The following SMAD5 variants were observed in gnomAD, a reference collection of about 807,000 sequenced individuals.
SMAD5 encodes the protein MAD, mothers against decapentaplegic homolog 5.
SMAD5 carries 9 observed loss-of-function variants against 43.1 expected under a neutral mutation model. The observed-to-expected ratio is 0.21, with a 90% CI of 0.13 to 0.36. The LOEUF is 0.36. Among genes scored for constraint, SMAD5 ranks in the 10% least tolerant of loss-of-function variants. SMAD5 has a pLI of 1.00. For missense variants in SMAD5, 348 were observed against 574.0 expected, an observed-to-expected ratio of 0.61 and a Z score of 4.02; for synonymous variants, 190 against 192.4, an observed-to-expected ratio of 0.99 and a Z score of 0.10.
intron 1 of SMAD5, among the ~76,000 whole-genome samples, chr5:136,139,422 T>C (rs1278271223): frequency 6.6e-6 from 1 of 152,176 alleles, no homozygotes; most frequent in Non-Finnish European, 1.5e-5. Context: ...ATTTGCCAAA[T>C]CAGTTGATGT....
chr5:136,143,403 A>C (rs1397117325), intron 1 of SMAD5, among the ~76,000 whole-genome samples: 2 of 151,852 alleles, frequency 1.3e-5, no homozygotes, highest in Non-Finnish European at 2.9e-5. Context: ...GTCTTCTTGA[A>C]ATACCTCTTC....
At chr5:136,148,566 T>C (rs1216290267) in intron 2 of SMAD5, among the ~76,000 whole-genome samples, 1 of 151,844 alleles carries the variant, frequency 6.6e-6, no homozygotes, top group Non-Finnish European at 1.5e-5. Context: ...ATTATCCCCA[T>C]GGGTCTTGGG....
In SMAD5 at chr5:136,177,462, C is replaced by T. The variant is rs764174281; in HGVS notation, c.1380C>T (p.Pro460=). Residue 460 remains proline, a synonymous_variant, in exon 8 of 8, where the codon CCC becomes CCT. Coordinates refer to ENST00000545279, the MANE Select transcript of SMAD5 (RefSeq NM_005903.7). ...VLTQMGSPLN[P]ISSVS ...CTCAGATGGGCTCCCCTCTGAACCC[C>T]ATATCTTCTGTTTCATAATGCAGAA... The T allele has an allele frequency of 4.3e-6, 7 of 1,610,864 alleles. No individual in the cohort carries two copies. Among genetic ancestry groups the T allele is most frequent in the Non-Finnish European group, 5.9e-6 (7 of 1,178,116 alleles).
chr5:136,145,389 T>C (rs535236705), intron 1 of SMAD5, among the ~76,000 whole-genome samples: 1 of 152,084 alleles, frequency 6.6e-6, no homozygotes, highest in South Asian at 2.1e-4. Context: ...GTATCAAAAT[T>C]TGCAGGATGG....
intron 3 of SMAD5, among the ~76,000 whole-genome samples, chr5:136,155,635 A>G (rs1435519099): frequency 6.6e-6 from 1 of 152,194 alleles, no homozygotes; most frequent in Non-Finnish European, 1.5e-5. Flanking sequence ...TGGACTTGCC[A>G]TACTCCTGTT....
At chr5:136,160,777 C>T (rs1753795760) in intron 3 of SMAD5, 79 bp from the exon 4 acceptor site, 1 of 1,425,184 alleles carries the variant, frequency 7.0e-7, no homozygotes, top group Non-Finnish European at 9.8e-7. Flanking sequence ...TACATGAATC[C>T]TTTCTACCAA....
At chr5:136,151,247 T>C (rs1753447951) in intron 2 of SMAD5, among the ~76,000 whole-genome samples, 1 of 152,052 alleles carries the variant, frequency 6.6e-6, no homozygotes, top group African/African-American at 2.4e-5. Flanking sequence ...TAAACAAAGT[T>C]GATAATGTAA....
intron 7 of SMAD5, among the ~76,000 whole-genome samples, chr5:136,176,551 T>C (rs1415847992): frequency 2.0e-5 from 3 of 151,808 alleles, no homozygotes; most frequent in African/African-American, 7.3e-5. Context: ...TTTTTATATA[T>C]GATTCCTTTA....
At chr5:136,162,759 A>G (rs1012148561) in intron 4 of SMAD5, among the ~76,000 whole-genome samples, 2 of 152,224 alleles carry the variant, frequency 1.3e-5, no homozygotes, top group African/African-American at 2.4e-5. Flanking sequence ...CACAACAGCC[A>G]TATTTGGATG....
At chr5:136,174,340 C>T (rs1281927811) in intron 6 of SMAD5, 36 bp from the exon 7 acceptor site, 2 of 1,599,350 alleles carry the variant, frequency 1.3e-6, no homozygotes, top group African/African-American at 1.3e-5. Context: ...TGTAATGATT[C>T]TTTTAGCTGA....
In SMAD5 at chr5:136,161,083, C is replaced by G; in HGVS notation, c.631C>G (p.Pro211Ala). The change falls in exon 4 of 8, where the codon CCA becomes GCA. Residue 211 changes from proline to alanine, a missense_variant. This residue lies in a region of SMAD5 where 185 missense variants were observed against 207.0 expected (regional missense o/e 0.89). Coordinates refer to ENST00000545279, the MANE Select transcript of SMAD5 (RefSeq NM_005903.7). Reference protein sequence around the residue: ...TYPNSPASSGPGSPFQLPADT... With the variant: ...TYPNSPASSGAGSPFQLPADT... ...TCCCAACTCCCCAGCAAGTTCTGGA[C>G]CAGGAAGTCCATTTCAGCTCCCAGG... 6.2e-7 allele frequency: 1 copy of G among 1,613,716 alleles called. No homozygotes were observed. The highest frequency in any genetic ancestry group is 8.5e-7 in the Non-Finnish European group (1 of 1,179,810).
chr5:136,168,959 A>T (rs545436304), intron 5 of SMAD5, among the ~76,000 whole-genome samples: 1 of 152,232 alleles, frequency 6.6e-6, no homozygotes, highest in South Asian at 2.1e-4. Context: ...TATATGTAAT[A>T]TATATGAAAG....
At chr5:136,163,630 C>G (rs1753900904) in intron 5 of SMAD5, among the ~76,000 whole-genome samples, 1 of 152,188 alleles carries the variant, frequency 6.6e-6, no homozygotes, top group Non-Finnish European at 1.5e-5. Flanking sequence ...ATCCTCACTC[C>G]TATCCTCAGC....
chr5:136,177,088 T>TTATA (rs1754445939), intron 7 of SMAD5, among the ~76,000 whole-genome samples: 1 of 152,230 alleles, frequency 6.6e-6, no homozygotes, highest in Non-Finnish European at 1.5e-5. Flanking sequence ...TTATGAACTA[T>TTATA]AACTGGCTCT....
chr5:136,171,376 G>A (rs1222038065), intron 5 of SMAD5, among the ~76,000 whole-genome samples: 1 of 152,178 alleles, frequency 6.6e-6, no homozygotes, highest in African/African-American at 2.4e-5. Context: ...AATTAAAAAT[G>A]TGTTGTTGCT....
Position 136,172,632 on chromosome 5 carries a change from A to G in SMAD5, c.974A>G (p.Asn325Ser). The G allele has an allele frequency of 6.2e-7, 1 of 1,603,452 alleles. No individual in the cohort carries two copies. Among genetic ancestry groups the G allele is most frequent in the South Asian group, 1.1e-5 (1 of 90,796 alleles). ...GTTAATCGTAATTCGACAATTGAAA[A>G]CACTAGGCGACATATTGGAAAAGGT... ...SNVNRNSTIE[N>S]TRRHIGKGVH... The change falls in exon 6 of 8, where the codon AAC becomes AGC. Residue 325 changes from asparagine (N) to serine (S), a missense_variant. This residue lies in a region of SMAD5 where 97 missense variants were observed against 211.8 expected (regional missense o/e 0.46). Transcript: ENST00000545279.
chr5:136,175,887 C>T (rs1754399928), intron 7 of SMAD5, among the ~76,000 whole-genome samples: 1 of 152,122 alleles, frequency 6.6e-6, no homozygotes, highest in African/African-American at 2.4e-5. Context: ...CGCCCTCCCT[C>T]CCCAACCCAG....
At chr5:136,158,627 C>T (rs901414435) in intron 3 of SMAD5, among the ~76,000 whole-genome samples, 21 of 152,226 alleles carry the variant, frequency 1.4e-4, no homozygotes, top group African/African-American at 3.1e-4. Flanking sequence ...GGGCCTGGCA[C>T]GGTGGCTCAC....
chr5:136,167,626 A>G (rs934287973), intron 5 of SMAD5, among the ~76,000 whole-genome samples: 1 of 151,864 alleles, frequency 6.6e-6, no homozygotes, highest in Non-Finnish European at 1.5e-5. Context: ...TAAAATACAA[A>G]AATTAGCCGG....
Sources: gnomAD v4.1 joint callset for allele counts (sites outside exome capture counted in the v4.1 genomes callset) on GRCh38, gnomAD v4.1.1 for gene constraint, gnomAD v4.1.1 regional missense constraint, MANE v1.5 for transcripts, NCBI Gene and HGNC (gene_info 2026-07-23, HGNC 2026-07-21) for gene names.